The following RERE variants were observed in gnomAD, a reference collection of about 807,000 sequenced individuals.
RERE encodes the protein arginine-glutamic acid dipeptide repeats, also known as arginine-glutamic acid dipeptide repeats protein.
In RERE, 40 loss-of-function variants were observed where a neutral mutation model predicts 146.1. The ratio of observed to expected loss-of-function variants is 0.27; its 90% CI spans 0.21 to 0.36. The LOEUF (loss-of-function observed/expected upper bound fraction) is 0.36, where lower values mean the gene tolerates loss of function less well. Among genes scored for constraint, RERE ranks in the 10% least tolerant of loss-of-function variants. The pLI is 1.00. For missense variants in RERE, 1,933 were observed against 2,138.7 expected (o/e 0.90, Z 1.90); for synonymous variants, 1,003 against 866.0 (o/e 1.16, Z -2.78).
chr1:8,726,308 C>T (rs185971551), intron 1 of RERE, among the ~76,000 whole-genome samples: 1 of 151,836 alleles, frequency 6.6e-6, no homozygotes, highest in Non-Finnish European at 1.5e-5. Context: ...CACGCCACCA[C>T]GCTCGGTTAA....
At chr1:8,510,886 A>G (rs1645326660) in intron 7 of RERE, among the ~76,000 whole-genome samples, 2 of 152,162 alleles carry the variant, frequency 1.3e-5, no homozygotes, top group Admixed American at 6.5e-5. Context: ...TACACTGTTA[A>G]GTCCTTGATA....
chr1:8,690,068 A>G (rs1439130935), intron 1 of RERE, among the ~76,000 whole-genome samples: 1 of 152,220 alleles, frequency 6.6e-6, no homozygotes, highest in African/African-American at 2.4e-5. Context: ...TATAAAATTT[A>G]TGCTCTGTAT....
chr1:8,391,774 G>A (rs1221792309), intron 12 of RERE, among the ~76,000 whole-genome samples: 3 of 152,132 alleles, frequency 2.0e-5, no homozygotes, highest in South Asian at 2.1e-4. Flanking sequence ...GGTGGCTCAC[G>A]CCTGTAATTC....
At position 8,364,015 on chromosome 1, in the gene RERE, T is replaced by C. The variant is rs753833535; in HGVS notation, c.1740+41A>G. The C allele has an allele frequency of 1.9e-6, 3 of 1,584,238 alleles. No homozygotes were observed. In the African/African-American group the frequency reaches 4.0e-5, roughly 21 times the overall value. On this transcript the variant is annotated intron_variant, in intron 15 of 22. Transcript: ENST00000400908. This position sits in a 1 kb window ranked among gnomAD's most constrained non-coding sequence, Gnocchi z 5.1. ...CAAGCCCCCACACATCCCAGGAAAC[T>C]GAAGAAGTTGCCAGGAGCCCCATGG...
At chr1:8,778,567 T>C (rs1412209022) in intron 1 of RERE, among the ~76,000 whole-genome samples, 9 of 152,214 alleles carry the variant, frequency 5.9e-5, no homozygotes. Context: ...TCGGGAGTGG[T>C]GGCTCATAAC....
rs1346047594 is a variant in RERE at position 8,695,122 on chromosome 1, C to A, written c.-144-38681G>T. ...GAGAACCTACAAATAAAGTCATAAA[C>A]CTACAGCCATCTGATCTTTGACAAT... On this transcript the variant is annotated intron_variant, in intron 1 of 22. Transcript: ENST00000400908. Among the ~76,000 whole-genome samples, 3 of 138,878 alleles carry A rather than the reference C, an allele frequency of 2.2e-5. No individual in the cohort carries two copies. In the East Asian group the frequency reaches 5.8e-4, roughly 27 times the overall value. The allele number at this position is 138,878 out of a possible 152,430, so 91.1% of individuals were successfully genotyped here.
chr1:8,768,130 GTCT>G (rs1204545265), intron 1 of RERE, among the ~76,000 whole-genome samples: 6 of 152,310 alleles, frequency 3.9e-5, no homozygotes, highest in Admixed American at 2.6e-4. Context: ...GCTGAATGAT[GTCT>G]TTTTCTTTAA....
intron 6 of RERE, among the ~76,000 whole-genome samples, chr1:8,547,078 CTT>C (rs35269094): frequency 1.2e-3 from 176 of 142,956 alleles, no homozygotes; most frequent in East Asian, 2.4e-3. Flanking sequence ...TACCAACAAG[CTT>C]TTTTTTTAAA....
chr1:8,523,320 G>A (rs368858545), intron 7 of RERE, among the ~76,000 whole-genome samples: 69 of 152,348 alleles, frequency 4.5e-4, no homozygotes, highest in African/African-American at 1.6e-3. Flanking sequence ...GGCTCCCTCA[G>A]ATTCGAATTC....
intron 6 of RERE, among the ~76,000 whole-genome samples, chr1:8,548,470 A>G (rs1645893807): frequency 6.6e-6 from 1 of 152,254 alleles, no homozygotes; most frequent in South Asian, 2.1e-4. Flanking sequence ...AAGAAAGAAC[A>G]GAACTGACCT....
At chr1:8,493,712 TA>T (rs960850763) in intron 10 of RERE, among the ~76,000 whole-genome samples, 1 of 150,120 alleles carries the variant, frequency 6.7e-6, no homozygotes. Context: ...CTCAAGAAAT[TA>T]AAAAAAAAGA....
chr1:8,624,799 A>G (rs181375641), intron 2 of RERE, among the ~76,000 whole-genome samples: 1 of 152,348 alleles, frequency 6.6e-6, no homozygotes, highest in Admixed American at 6.5e-5. Context: ...ACGTGCTACT[A>G]TATTTGTAAT....
intron 1 of RERE, among the ~76,000 whole-genome samples, chr1:8,745,552 G>A (rs886216843): frequency 3.9e-5 from 6 of 152,030 alleles, no homozygotes; most frequent in Admixed American, 6.5e-5. Flanking sequence ...TGTCATGATC[G>A]CCTGGCTAAA....
chr1:8,670,658 T>C (rs1638691578), intron 1 of RERE, among the ~76,000 whole-genome samples: 1 of 152,190 alleles, frequency 6.6e-6, no homozygotes, highest in South Asian at 2.1e-4. Context: ...GAAAGCATTC[T>C]GGGCAGAGAG....
chr1:8,718,863 A>T (rs1257157584), intron 1 of RERE, among the ~76,000 whole-genome samples: 1 of 152,204 alleles, frequency 6.6e-6, no homozygotes, highest in African/African-American at 2.4e-5. Context: ...AAATAATTCA[A>T]GCAAGGCCTT....
Position 8,659,561 on chromosome 1 carries a change from T to C in RERE, c.-144-3120A>G, listed in dbSNP as rs534971809. Among the ~76,000 whole-genome samples the C allele has an allele frequency of 2.4e-4, 37 of 152,204 alleles. No individual in the cohort carries two copies. In the South Asian group the frequency reaches 2.7e-3, roughly 11 times the overall value. On this transcript the variant is annotated intron_variant, in intron 1 of 22. Transcript: ENST00000400908. ...GACAAAGCGAGACTCCGTCTCAAAA[T>C]AAAAAACAAACAAAAAACGATCAGC...
chr1:8,646,274 T>C (rs992829879), intron 2 of RERE, among the ~76,000 whole-genome samples: 1 of 152,116 alleles, frequency 6.6e-6, no homozygotes, highest in Non-Finnish European at 1.5e-5. Flanking sequence ...CTCATGCCCG[T>C]AATCTCAACA....
intron 1 of RERE, among the ~76,000 whole-genome samples, chr1:8,807,715 G>GT (rs1553151761): frequency 6.6e-6 from 1 of 152,116 alleles, no homozygotes; most frequent in Non-Finnish European, 1.5e-5. Context: ...TCACATACAT[G>GT]TAAGAGTTTG....
At chr1:8,452,496 C>T (rs940949449) in intron 11 of RERE, among the ~76,000 whole-genome samples, 1 of 151,886 alleles carries the variant, frequency 6.6e-6, no homozygotes, top group Non-Finnish European at 1.5e-5. Flanking sequence ...GTCACTGATA[C>T]GCTCCCTTCC....
Sources: gnomAD v4.1 joint callset for allele counts (sites outside exome capture counted in the v4.1 genomes callset) on GRCh38, gnomAD v4.1.1 for gene constraint, Gnocchi (gnomAD v3.1) non-coding constraint, MANE v1.5 for transcripts, NCBI Gene and HGNC (gene_info 2026-07-23, HGNC 2026-07-21) for gene names.